NKAIN2: variants seen among roughly 807,000 people sequenced by gnomAD.
NKAIN2 encodes the protein sodium/potassium transporting ATPase interacting 2.
NKAIN2 carries 14 observed loss-of-function variants against 32.6 expected under a neutral mutation model. That is an observed-to-expected ratio of 0.43 (90% confidence interval 0.28 to 0.67). NKAIN2 has a LOEUF of 0.67. NKAIN2 is among the 30% of genes least tolerant of loss of function. The probability of loss-of-function intolerance (pLI) is 0.17; values close to 1 mark genes in which losing one functional copy is unlikely to be tolerated. For synonymous variants in NKAIN2, 80 were observed against 87.2 expected (o/e 0.92, Z 0.46); for missense variants, 198 against 258.3 (o/e 0.77, Z 1.60).
In NKAIN2 at chr6:124,268,947, A is replaced by G. The variant is rs542103684; in HGVS notation, c.55-14058A>G. Among the ~76,000 whole-genome samples the G allele has an allele frequency of 3.9e-5, 6 of 152,284 alleles. No individual in the cohort carries two copies. The East Asian group carries it at 1.2e-3, about 29-fold the overall frequency. On this transcript the variant is annotated intron_variant, in intron 1 of 6. Coordinates refer to ENST00000368417, the MANE Select transcript of NKAIN2 (RefSeq NM_001040214.3). ...CCTAAGTTATACTGTTGCCTACTTC[A>G]TTAAATAAGCTCATATGTATAAAAT...
At chr6:123,822,611 A>G (rs9398740) in intron 1 of NKAIN2, among the ~76,000 whole-genome samples, 42,170 of 151,976 alleles carry the variant, frequency 0.28, 8,362 homozygotes, top group East Asian at 0.56. Flanking sequence ...TGGGTTTATG[A>G]GAGACATGAT....
intron 3 of NKAIN2, among the ~76,000 whole-genome samples, chr6:124,501,750 G>T (rs751310253): frequency 1.3e-5 from 2 of 151,874 alleles, no homozygotes; most frequent in African/African-American, 4.8e-5. Context: ...TTGTCTCATC[G>T]CTCCCTTTCC....
At chr6:124,124,253 C>CT (rs1412716076) in intron 1 of NKAIN2, among the ~76,000 whole-genome samples, 1 of 152,138 alleles carries the variant, frequency 6.6e-6, no homozygotes, top group African/African-American at 2.4e-5. Flanking sequence ...CTGCAACTGT[C>CT]TATCACAATA....
intron 3 of NKAIN2, among the ~76,000 whole-genome samples, chr6:124,596,285 G>A (rs1233074865): frequency 2.6e-5 from 4 of 152,108 alleles, no homozygotes; most frequent in Non-Finnish European, 5.9e-5. Flanking sequence ...GGTGAGTACT[G>A]CCATGTGGGC....
intron 3 of NKAIN2, among the ~76,000 whole-genome samples, chr6:124,639,045 C>T (rs1056462218): frequency 1.2e-4 from 18 of 151,984 alleles, no homozygotes; most frequent in African/African-American, 4.4e-4. Context: ...CACCACACCC[C>T]TAGTTAGAAT....
chr6:124,683,602 A>T (rs1773722097), intron 4 of NKAIN2, among the ~76,000 whole-genome samples: 1 of 152,176 alleles, frequency 6.6e-6, no homozygotes, highest in African/African-American at 2.4e-5. Context: ...ACATGCTTTC[A>T]TCAGCCTCCA....
At chr6:124,254,659 A>G (rs1475160527) in intron 1 of NKAIN2, among the ~76,000 whole-genome samples, 1 of 152,150 alleles carries the variant, frequency 6.6e-6, no homozygotes, top group Non-Finnish European at 1.5e-5. Flanking sequence ...GTCTTATTAC[A>G]TTACTTCATC....
At chr6:124,022,681 A>G (rs955900718) in intron 1 of NKAIN2, among the ~76,000 whole-genome samples, 7 of 152,218 alleles carry the variant, frequency 4.6e-5, no homozygotes, top group African/African-American at 1.7e-4. Flanking sequence ...GAAAAGCCAA[A>G]TTCAGTCAGC....
rs943502107 is a variant in NKAIN2 at position 124,816,793 on chromosome 6, T to C, written c.536-1594T>C. ...TGGGTGTCCTAGGGCATTTTGATTG[T>C]CTCTATTTGACTTTCTTTCTCCTTC... On this transcript the variant is annotated intron_variant, in intron 5 of 6. Coordinates refer to ENST00000368417, the MANE Select transcript of NKAIN2 (RefSeq NM_001040214.3). Among the ~76,000 whole-genome samples the C allele has an allele frequency of 2.0e-5, 3 of 152,282 alleles. No homozygotes were observed. The East Asian group carries it at 5.8e-4, about 29-fold the overall frequency.
intron 1 of NKAIN2, among the ~76,000 whole-genome samples, chr6:123,828,396 A>C (rs533557199): frequency 1.3e-5 from 2 of 151,872 alleles, no homozygotes; most frequent in African/African-American, 4.8e-5. Flanking sequence ...GAAGTGTGAT[A>C]CTCAAATAAA....
chr6:124,419,665 A>T (rs1450208913), intron 3 of NKAIN2, among the ~76,000 whole-genome samples: 1 of 152,196 alleles, frequency 6.6e-6, no homozygotes, highest in Non-Finnish European at 1.5e-5. Context: ...ATTGAGAAAC[A>T]ATAGAAGACA....
intron 1 of NKAIN2, among the ~76,000 whole-genome samples, chr6:124,100,911 G>A (rs376737209): frequency 5.5e-4 from 83 of 152,144 alleles, no homozygotes; most frequent in African/African-American, 1.8e-3. Flanking sequence ...GAATTTGAGG[G>A]TGGGGACAAA....
chr6:124,275,089 T>A (rs60842701), intron 1 of NKAIN2, among the ~76,000 whole-genome samples: 18,677 of 152,126 alleles, frequency 0.12, 3,215 homozygotes, highest in African/African-American at 0.39. Context: ...TCAGCTTGTC[T>A]TTTGATAGCA....
At chr6:124,158,007 A>G (rs1412594597) in intron 1 of NKAIN2, among the ~76,000 whole-genome samples, 1 of 152,198 alleles carries the variant, frequency 6.6e-6, no homozygotes, top group Non-Finnish European at 1.5e-5. Flanking sequence ...CAAAATTTCT[A>G]TTACTGAAAC....
chr6:123,979,085 A>G (rs531614074), intron 1 of NKAIN2, among the ~76,000 whole-genome samples: 3 of 152,262 alleles, frequency 2.0e-5, no homozygotes, highest in African/African-American at 4.8e-5. Context: ...GTTTGTGACT[A>G]TTGCCTAATA....
At chr6:124,745,743 T>C (rs1181373926) in intron 4 of NKAIN2, among the ~76,000 whole-genome samples, 1 of 151,944 alleles carries the variant, frequency 6.6e-6, no homozygotes, top group African/African-American at 2.4e-5. Context: ...GTGTATTCTT[T>C]AGACATCTGT....
intron 1 of NKAIN2, among the ~76,000 whole-genome samples, chr6:123,862,268 G>A (rs1045066665): frequency 1.3e-5 from 2 of 152,130 alleles, no homozygotes. Flanking sequence ...CTATCTCAGA[G>A]GTGTCATTAA....
intron 3 of NKAIN2, among the ~76,000 whole-genome samples, chr6:124,477,714 CTCTTCCCCCTT>C (rs1777282028): frequency 1.7e-4 from 1 of 5,766 alleles, no homozygotes; most frequent in South Asian, 0.01. Context: ...CTCCCCCTTA[CTCTTCCCCCTT>C]CCCCCTCCCT....
intron 1 of NKAIN2, among the ~76,000 whole-genome samples, chr6:123,907,403 G>C (rs550798918): frequency 1.6e-4 from 25 of 151,988 alleles, no homozygotes; most frequent in Non-Finnish European, 2.9e-4. Flanking sequence ...CATAAAACTA[G>C]AATCCCTTAG....
Sources: allele counts gnomAD v4.1 joint callset (sites outside exome capture counted in the v4.1 genomes callset), GRCh38; gene constraint gnomAD v4.1.1; transcripts MANE v1.5; gene names NCBI Gene and HGNC (gene_info 2026-07-23, HGNC 2026-07-21).